NUDCD1: variants seen among roughly 807,000 people sequenced by gnomAD.
NUDCD1 encodes NudC domain containing 1.
NUDCD1 carries 60 observed loss-of-function variants against 67.8 expected under a neutral mutation model. That is an observed-to-expected ratio of 0.88 (90% CI 0.72 to 1.10). The LOEUF (loss-of-function observed/expected upper bound fraction) is 1.10. Ranked by LOEUF, NUDCD1 falls within the 50% of genes least tolerant of loss-of-function variation. NUDCD1 has a pLI of 0.00. For synonymous variants in NUDCD1, 244 were observed against 230.8 expected (o/e 1.06, Z -0.52); for missense variants, 643 against 695.0 (o/e 0.93, Z 0.84).
At chr8:109,273,156 A>G (rs749139759) in intron 7 of NUDCD1, among the ~76,000 whole-genome samples, 25 of 152,136 alleles carry the variant, frequency 1.6e-4, no homozygotes, top group Admixed American at 3.3e-4. Context: ...ACAAGCGGAA[A>G]GCAGCAAATA....
chr8:109,264,062 A>G (rs1442607062), intron 8 of NUDCD1, among the ~76,000 whole-genome samples: 1 of 152,224 alleles, frequency 6.6e-6, no homozygotes, highest in Non-Finnish European at 1.5e-5. Context: ...ATGACTAAAT[A>G]GGAAGTACAC....
chr8:109,259,861 T>C (rs1813825708), intron 8 of NUDCD1, among the ~76,000 whole-genome samples: 1 of 152,228 alleles, frequency 6.6e-6, no homozygotes. Context: ...CCTTATTTAA[T>C]AAGTTTCTTC....
At chr8:109,328,485 C>T (rs1377108514) in intron 1 of NUDCD1, among the ~76,000 whole-genome samples, 3 of 152,096 alleles carry the variant, frequency 2.0e-5, no homozygotes, top group Non-Finnish European at 4.4e-5. Context: ...CTCAAGAGTA[C>T]TAATGGCATG....
intron 8 of NUDCD1, among the ~76,000 whole-genome samples, chr8:109,262,526 C>A (rs1440063889): frequency 6.6e-6 from 1 of 152,226 alleles, no homozygotes; most frequent in African/African-American, 2.4e-5. Flanking sequence ...TGAAAACCAA[C>A]CAGTCAGAGC....
chr8:109,269,050 G>A (rs898478275), intron 8 of NUDCD1, among the ~76,000 whole-genome samples: 2 of 152,066 alleles, frequency 1.3e-5, no homozygotes, highest in African/African-American at 4.8e-5. Flanking sequence ...GAAAATGAAA[G>A]ATATTCATTT....
At chr8:109,286,340 T>G (rs914672385) in intron 5 of NUDCD1, among the ~76,000 whole-genome samples, 1 of 152,058 alleles carries the variant, frequency 6.6e-6, no homozygotes, top group Non-Finnish European at 1.5e-5. Context: ...AGAGCCCAAA[T>G]AGCCAAAGCC....
intron 2 of NUDCD1, among the ~76,000 whole-genome samples, chr8:109,305,331 T>A (rs944258665): frequency 3.3e-5 from 5 of 152,128 alleles, no homozygotes; most frequent in African/African-American, 1.2e-4. Context: ...ACATAATTCC[T>A]CAGTTTGGCC....
At chr8:109,325,483 A>G (rs982417384) in intron 1 of NUDCD1, among the ~76,000 whole-genome samples, 13 of 152,334 alleles carry the variant, frequency 8.5e-5, no homozygotes, top group African/African-American at 3.1e-4. Flanking sequence ...TCAATTTAAC[A>G]TATTTTTAAA....
At chr8:109,250,015 T>C (rs1371022025) in intron 8 of NUDCD1, among the ~76,000 whole-genome samples, 3 of 151,814 alleles carry the variant, frequency 2.0e-5, no homozygotes, top group Admixed American at 2.0e-4. Flanking sequence ...CTGGGGAATT[T>C]TTTTATTTTT....
intron 2 of NUDCD1, among the ~76,000 whole-genome samples, chr8:109,318,956 A>C (rs1272207564): frequency 8.3e-6 from 1 of 120,982 alleles, no homozygotes; most frequent in African/African-American, 3.2e-5. Flanking sequence ...TGCCCATTTT[A>C]TGTTTTTTTT....
At position 109,270,069 on chromosome 8, in the gene NUDCD1, G is replaced by T. The variant is rs1401276394; in HGVS notation, c.1299+936C>A. Among the ~76,000 whole-genome samples the T allele has an allele frequency of 1.1e-3, 52 of 46,030 alleles. 1 individual carries two copies. Among genetic ancestry groups the T allele is most frequent in the African/African-American group, 4.5e-3 (48 of 10,602 alleles). 30.2% of individuals were successfully genotyped at this position (46,030 alleles called of 152,430 possible). On this transcript the variant is annotated intron_variant, in intron 8 of 9. Coordinates refer to ENST00000239690, the MANE Select transcript of NUDCD1 (RefSeq NM_032869.4). The stretch of plus-strand genomic sequence containing the variant: ...GTGTAATTTTGAGGTGGCGGGGGCG[G>T]GGGGGGGGGGGGGTGCCTTAAGGTG...
At chr8:109,328,650 G>GA in intron 1 of NUDCD1, among the ~76,000 whole-genome samples, 1 of 152,280 alleles carries the variant, frequency 6.6e-6, no homozygotes, top group East Asian at 1.9e-4. Flanking sequence ...GTGTACACAG[G>GA]AAAGTCTTGC....
intron 8 of NUDCD1, among the ~76,000 whole-genome samples, chr8:109,254,060 A>C (rs1032419560): frequency 1.3e-5 from 2 of 152,200 alleles, no homozygotes; most frequent in African/African-American, 4.8e-5. Flanking sequence ...AATTCCATCG[A>C]GTTTACAACT....
chr8:109,248,107 C>CAAA (rs1373097874), intron 8 of NUDCD1, among the ~76,000 whole-genome samples: 14 of 152,264 alleles, frequency 9.2e-5, no homozygotes, highest in Non-Finnish European at 1.8e-4. Flanking sequence ...AGGGGATAGA[C>CAAA]AGAGTTTAGA....
At position 109,246,225 on chromosome 8, in the gene NUDCD1, A is replaced by G. The variant is rs560675413; in HGVS notation, c.1300-744T>C. 3.9e-5 allele frequency among the ~76,000 whole-genome samples: 6 copies of G among 152,326 alleles called. No homozygotes were observed. In the East Asian group the frequency reaches 9.6e-4, roughly 24 times the overall value. On this transcript the variant is annotated intron_variant, in intron 8 of 9. Transcript: ENST00000239690. The stretch of plus-strand genomic sequence containing the variant: ...TTTTAGGCCATAGAATACACACATG[A>G]AGTTTACTAATGCTAACTTGTAATA...
At chr8:109,281,622 G>A (rs951614462) in intron 5 of NUDCD1, among the ~76,000 whole-genome samples, 4 of 152,166 alleles carry the variant, frequency 2.6e-5, no homozygotes, top group Admixed American at 2.6e-4. Context: ...GGGAATGGGA[G>A]GATGTGCAAA....
chr8:109,317,191 G>A (rs1264289391), intron 2 of NUDCD1, among the ~76,000 whole-genome samples: 1 of 152,156 alleles, frequency 6.6e-6, no homozygotes, highest in Admixed American at 6.5e-5. Flanking sequence ...ACAAAAAACT[G>A]AACAGGTGAT....
intron 9 of NUDCD1, among the ~76,000 whole-genome samples, chr8:109,244,821 A>G (rs1813457017): frequency 6.6e-6 from 1 of 152,150 alleles, no homozygotes; most frequent in East Asian, 1.9e-4. Context: ...CCTACCAAAT[A>G]AATTTAATTT....
At chr8:109,258,546 C>A (rs79754105) in intron 8 of NUDCD1, among the ~76,000 whole-genome samples, 3,229 of 152,136 alleles carry the variant, frequency 0.021, 53 homozygotes, top group Non-Finnish European at 0.031. Flanking sequence ...ATTCTTCCAA[C>A]TGGGATAGTA....
Sources: gnomAD v4.1 joint callset for allele counts (sites outside exome capture counted in the v4.1 genomes callset) on GRCh38, gnomAD v4.1.1 for gene constraint, MANE v1.5 for transcripts, NCBI Gene and HGNC (gene_info 2026-07-23, HGNC 2026-07-21) for gene names.